DPP6: variants seen among roughly 807,000 people sequenced by gnomAD.
The protein encoded by DPP6 is dipeptidyl peptidase like 6.
A neutral mutation model predicts 122.6 loss-of-function variants in DPP6; 69 were observed. The observed-to-expected ratio is 0.56, with a 90% CI of 0.46 to 0.69. The LOEUF is 0.69. DPP6 is among the 30% of genes least tolerant of loss of function. The pLI is 0.00. For missense variants in DPP6, 928 were observed against 1,116.9 expected (o/e 0.83, Z 2.41); for synonymous variants, 418 against 433.1 (o/e 0.97, Z 0.43).
At chr7:153,972,054 C>G (rs1240368264) in intron 1 of DPP6, among the ~76,000 whole-genome samples, 1 of 150,832 alleles carries the variant, frequency 6.6e-6, no homozygotes, top group Non-Finnish European at 1.5e-5. Flanking sequence ...TTCCTATGTT[C>G]TTATTGTAGA....
intron 8 of DPP6, among the ~76,000 whole-genome samples, chr7:154,729,252 C>T (rs1842218955): frequency 6.6e-6 from 1 of 152,164 alleles, no homozygotes; most frequent in Non-Finnish European, 1.5e-5. Flanking sequence ...CAATAACTCA[C>T]CCTGCTAGGC....
chr7:154,614,685 T>A (rs186938050), intron 5 of DPP6, among the ~76,000 whole-genome samples: 1 of 152,374 alleles, frequency 6.6e-6, no homozygotes, highest in Non-Finnish European at 1.5e-5. Flanking sequence ...AAAGCTAACT[T>A]TAAATGTTAA....
chr7:154,239,992 TAAAAAAAAAAAAAAAAAAAAAAAAAAAA>T (rs763543397), intron 1 of DPP6, among the ~76,000 whole-genome samples: 19 of 50,426 alleles, frequency 3.8e-4, no homozygotes, highest in African/African-American at 9.6e-4. Context: ...ATGCTGTCTT[TAAAAAAAAAAAAAAAAAAAAAAAAAAAA>T]AAAAAAAAAA....
intron 7 of DPP6, among the ~76,000 whole-genome samples, chr7:154,686,732 T>C (rs1361195705): frequency 6.6e-6 from 1 of 152,186 alleles, no homozygotes; most frequent in Admixed American, 6.5e-5. Flanking sequence ...AGCTTGTATG[T>C]CTCCTTTTCC....
At chr7:154,140,718 A>G (rs748339829) in intron 1 of DPP6, among the ~76,000 whole-genome samples, 42 of 152,224 alleles carry the variant, frequency 2.8e-4, no homozygotes, top group Admixed American at 5.9e-4. Context: ...AAATCCTTAG[A>G]GTTTTAGAAA....
At chr7:154,817,603 G>A (rs1229553402) in intron 16 of DPP6, among the ~76,000 whole-genome samples, 1 of 152,054 alleles carries the variant, frequency 6.6e-6, no homozygotes, top group Non-Finnish European at 1.5e-5. Context: ...ATGAGTGATC[G>A]ATTGATGATG....
At chr7:154,130,091 C>G (rs992161935) in intron 1 of DPP6, among the ~76,000 whole-genome samples, 2 of 148,750 alleles carry the variant, frequency 1.3e-5, no homozygotes, top group Non-Finnish European at 3.0e-5. Flanking sequence ...TCTGTCCCCC[C>G]ACACACACAA....
chr7:153,756,118 T>A, the DPP6 span, among the ~76,000 whole-genome samples: 1 of 151,996 alleles, frequency 6.6e-6, no homozygotes, highest in South Asian at 2.1e-4. Flanking sequence ...CCAGCTTGAT[T>A]TTGGACTTGA....
chr7:154,695,865 C>T (rs536386632), intron 7 of DPP6, among the ~76,000 whole-genome samples: 1 of 152,296 alleles, frequency 6.6e-6, no homozygotes, highest in Admixed American at 6.5e-5. Context: ...CTGGGGCAAC[C>T]TGGGCCAGCT....
chr7:154,352,076 C>T (rs556720535), intron 1 of DPP6, among the ~76,000 whole-genome samples: 1 of 152,218 alleles, frequency 6.6e-6, no homozygotes, highest in South Asian at 2.1e-4. Context: ...GGCCTCTTCT[C>T]CCTGCTGCAG....
chr7:154,419,711 G>T (rs10249437), intron 1 of DPP6, among the ~76,000 whole-genome samples: 1 of 152,150 alleles, frequency 6.6e-6, no homozygotes, highest in African/African-American at 2.4e-5. Flanking sequence ...ATTTTGAAGC[G>T]CAGTTTGTGT....
At chr7:154,234,808 C>T (rs1042796092) in intron 1 of DPP6, among the ~76,000 whole-genome samples, 1 of 152,150 alleles carries the variant, frequency 6.6e-6, no homozygotes, top group Non-Finnish European at 1.5e-5. Flanking sequence ...AGATGGCCAT[C>T]TCCTTTCCCG....
chr7:154,693,164 T>C (rs754197395), intron 7 of DPP6, among the ~76,000 whole-genome samples: 19 of 152,044 alleles, frequency 1.2e-4, no homozygotes, highest in Non-Finnish European at 2.5e-4. Flanking sequence ...GAGTGGTAAT[T>C]TGGCTCCCCT....
chr7:153,870,922 C>A, the DPP6 span, among the ~76,000 whole-genome samples: 1 of 152,202 alleles, frequency 6.6e-6, no homozygotes, highest in Admixed American at 6.5e-5. Context: ...CCACTCCAGA[C>A]CTTGTTTGCT....
chr7:153,843,293 C>T, the DPP6 span, among the ~76,000 whole-genome samples: 1,022 of 152,288 alleles, frequency 6.7e-3, 4 homozygotes, highest in Non-Finnish European at 0.011. Context: ...CACACACACA[C>T]ACACACTTCT....
rs1563338794 is a variant in DPP6 at position 154,893,473 on chromosome 7, A to AAAAAAAAAC, written c.*1000_*1001insACAAAAAAA. 1 of 142,174 alleles carries AAAAAAAAAC rather than the reference A, an allele frequency of 7.0e-6. No homozygotes were observed. The allele number at this position is 142,174 out of a possible 1,614,324, so 8.8% of individuals were successfully genotyped here. ...GGTTTAAAAAAAAAAAAAAAAAAAAAAAAAAAACAGAAAAAAGACAAAGCG... is the reference window on the plus strand; with the variant it reads ...GGTTTAAAAAAAAAAAAAAAAAAAAAAAAAAAAACAAAAAAACAGAAAAAAGACAAAGCG... On this transcript the variant is annotated 3_prime_UTR_variant, in exon 26 of 26. Coordinates refer to ENST00000377770, the MANE Select transcript of DPP6 (RefSeq NM_130797.4).
At chr7:153,937,134 C>A (rs1302046311) in intron 1 of DPP6, among the ~76,000 whole-genome samples, 1 of 152,126 alleles carries the variant, frequency 6.6e-6, no homozygotes, top group African/African-American at 2.4e-5. Flanking sequence ...TGAGGAGAAC[C>A]CCTTGACTCA....
At chr7:154,245,254 A>G (rs900987350) in intron 1 of DPP6, among the ~76,000 whole-genome samples, 1 of 151,918 alleles carries the variant, frequency 6.6e-6, no homozygotes, top group African/African-American at 2.4e-5. Context: ...CACCAGGCCT[A>G]CAAGGGACTC....
chr7:153,802,548 G>A, the DPP6 span, among the ~76,000 whole-genome samples: 1 of 151,926 alleles, frequency 6.6e-6, no homozygotes, highest in African/African-American at 2.4e-5. Context: ...CCTGAAGTAT[G>A]ACATCTGATT....
Sources: gnomAD v4.1 joint callset for allele counts (sites outside exome capture counted in the v4.1 genomes callset) on GRCh38, gnomAD v4.1.1 for gene constraint, MANE v1.5 for transcripts, NCBI Gene and HGNC (gene_info 2026-07-23, HGNC 2026-07-21) for gene names.